Variants in PCDH9 observed in about 807,000 individuals in gnomAD.
The protein encoded by PCDH9 is protocadherin-9.
In PCDH9, 24 loss-of-function variants were observed where a neutral mutation model predicts 70.6. The observed-to-expected ratio is 0.34, with a 90% CI of 0.25 to 0.48. The LOEUF is 0.48. Ranked by LOEUF, PCDH9 falls within the 20% of genes least tolerant of loss-of-function variation. The pLI is 0.99. For missense variants in PCDH9, 1,281 were observed against 1,503.6 expected (o/e 0.85, Z 2.45); for synonymous variants, 562 against 558.5 (o/e 1.01, Z -0.09).
At chr13:66,436,657 C>T (rs553124968) in intron 4 of PCDH9, among the ~76,000 whole-genome samples, 2 of 152,192 alleles carry the variant, frequency 1.3e-5, no homozygotes, top group African/African-American at 4.8e-5. Flanking sequence ...CATAAGTTGA[C>T]TTTGGAAACC....
At chr13:66,731,599 T>C (rs1436392696) in intron 3 of PCDH9, among the ~76,000 whole-genome samples, 3 of 152,072 alleles carry the variant, frequency 2.0e-5, no homozygotes, top group African/African-American at 7.2e-5. Context: ...CACTGAACAT[T>C]CAATATTAGC....
intron 2 of PCDH9, among the ~76,000 whole-genome samples, chr13:66,997,433 C>A (rs2084140596): frequency 6.6e-6 from 1 of 152,188 alleles, no homozygotes; most frequent in Non-Finnish European, 1.5e-5. Context: ...AGGACAGCAC[C>A]AAGCCATTCA....
chr13:67,008,155 T>C (rs1385644342), intron 2 of PCDH9, among the ~76,000 whole-genome samples: 1 of 152,078 alleles, frequency 6.6e-6, no homozygotes, highest in Admixed American at 6.5e-5. Context: ...TGGAACAAAA[T>C]AATGAAAAGT....
At chr13:66,452,743 C>A (rs746313388) in intron 4 of PCDH9, among the ~76,000 whole-genome samples, 12 of 152,144 alleles carry the variant, frequency 7.9e-5, no homozygotes, top group Middle Eastern at 3.4e-3. Context: ...GTCAAGTGCA[C>A]AATCATATTA....
At position 66,586,881 on chromosome 13, in the gene PCDH9, T is replaced by C. The variant is rs532572893; in HGVS notation, c.3340+44329A>G. ...TTTTAAACAACCTCTCATCTCATCA[T>C]GAGTATCAACACTTTTGTTGTTGTA... On this transcript the variant is annotated intron_variant, in intron 4 of 4. Coordinates refer to ENST00000377865, the MANE Select transcript of PCDH9 (RefSeq NM_203487.3). Among the ~76,000 whole-genome samples, 235 of 151,978 alleles carry C rather than the reference T, an allele frequency of 1.5e-3. 1 individual carries two copies. The highest frequency in any genetic ancestry group is 3.4e-3 in the Middle Eastern group (1 of 294).
chr13:66,909,748 C>T (rs929868406), intron 2 of PCDH9, among the ~76,000 whole-genome samples: 7 of 152,312 alleles, frequency 4.6e-5, no homozygotes, highest in South Asian at 2.1e-4. Flanking sequence ...ATGCTTTCTT[C>T]CTCCAACTGA....
chr13:66,320,283 G>A (rs1423748942), intron 4 of PCDH9, among the ~76,000 whole-genome samples: 3 of 152,044 alleles, frequency 2.0e-5, no homozygotes, highest in African/African-American at 7.3e-5. Flanking sequence ...AGTATGTTAA[G>A]TAATTCCTTT....
chr13:66,383,647 A>C (rs1328725243), intron 4 of PCDH9, among the ~76,000 whole-genome samples: 1 of 152,202 alleles, frequency 6.6e-6, no homozygotes, highest in Non-Finnish European at 1.5e-5. Context: ...AGCTAAAATC[A>C]GTCTTTCCAC....
At chr13:66,896,860 C>T (rs2082188621) in intron 3 of PCDH9, among the ~76,000 whole-genome samples, 1 of 152,206 alleles carries the variant, frequency 6.6e-6, no homozygotes, top group Non-Finnish European at 1.5e-5. Context: ...CCTCTCCTGA[C>T]ACCTGGCCTT....
At chr13:66,961,717 A>G (rs1054300095) in intron 2 of PCDH9, among the ~76,000 whole-genome samples, 22 of 152,224 alleles carry the variant, frequency 1.4e-4, no homozygotes, top group African/African-American at 4.8e-4. Context: ...ATTGATTAAG[A>G]AAAATCACAT....
At chr13:66,731,919 T>A (rs961510494) in intron 3 of PCDH9, among the ~76,000 whole-genome samples, 3 of 151,976 alleles carry the variant, frequency 2.0e-5, no homozygotes, top group African/African-American at 7.2e-5. Context: ...ACATTTGATG[T>A]CACTGTTTAT....
intron 4 of PCDH9, among the ~76,000 whole-genome samples, chr13:66,505,057 T>C (rs777588197): frequency 6.6e-6 from 1 of 152,348 alleles, no homozygotes; most frequent in South Asian, 2.1e-4. Flanking sequence ...TTTTGAGAAA[T>C]ACTGTGCTTT....
intron 2 of PCDH9, among the ~76,000 whole-genome samples, chr13:67,000,886 C>A (rs1316168897): frequency 6.6e-6 from 1 of 152,190 alleles, no homozygotes; most frequent in East Asian, 1.9e-4. Context: ...TATTACTTTC[C>A]TGATCCTTTT....
chr13:66,492,756 T>C (rs1052072653), intron 4 of PCDH9, among the ~76,000 whole-genome samples: 5 of 152,074 alleles, frequency 3.3e-5, no homozygotes, highest in African/African-American at 1.2e-4. Flanking sequence ...TGACACCACT[T>C]GAGGAGAAAA....
chr13:66,864,422 C>T (rs1009551003), intron 3 of PCDH9, among the ~76,000 whole-genome samples: 3 of 152,016 alleles, frequency 2.0e-5, no homozygotes, highest in African/African-American at 7.3e-5. Context: ...GACACAAGAC[C>T]AACTTTATTC....
chr13:66,697,840 C>T (rs2078584852), intron 3 of PCDH9, among the ~76,000 whole-genome samples: 1 of 152,130 alleles, frequency 6.6e-6, no homozygotes, highest in African/African-American at 2.4e-5. Context: ...TTCATAGCAG[C>T]ATTATTTACA....
chr13:67,057,022 C>T (rs1050303706), intron 2 of PCDH9, among the ~76,000 whole-genome samples: 1 of 152,034 alleles, frequency 6.6e-6, no homozygotes, highest in African/African-American at 2.4e-5. Flanking sequence ...CATACAGAGA[C>T]TTAATTTTAA....
At chr13:66,412,166 G>A (rs1438450613) in intron 4 of PCDH9, among the ~76,000 whole-genome samples, 1 of 152,104 alleles carries the variant, frequency 6.6e-6, no homozygotes, top group East Asian at 1.9e-4. Flanking sequence ...TTTCTGTAAT[G>A]CAGACTATTG....
intron 3 of PCDH9, among the ~76,000 whole-genome samples, chr13:66,851,662 A>G (rs1408871373): frequency 2.6e-5 from 4 of 151,952 alleles, no homozygotes; most frequent in African/African-American, 4.8e-5. Flanking sequence ...TGCAAAAGTT[A>G]TTGCGGATTT....
Sources: allele counts gnomAD v4.1 joint callset (sites outside exome capture counted in the v4.1 genomes callset), GRCh38; gene constraint gnomAD v4.1.1; transcripts MANE v1.5; gene names NCBI Gene and HGNC (gene_info 2026-07-23, HGNC 2026-07-21).